The following SMC6 variants were observed in gnomAD, a reference collection of about 807,000 sequenced individuals.
SMC6 encodes structural maintenance of chromosomes protein 6.
SMC6 carries 79 observed loss-of-function variants against 142.2 expected under a neutral mutation model. The observed-to-expected ratio is 0.56, with a 90% CI of 0.46 to 0.67. The LOEUF (loss-of-function observed/expected upper bound fraction) is 0.67, where lower values mean the gene tolerates loss of function less well. Ranked by LOEUF, SMC6 falls within the 30% of genes least tolerant of loss-of-function variation. SMC6 has a pLI of 0.00. For missense variants in SMC6, 1,072 were observed against 1,284.0 expected (o/e 0.83, Z 2.52); for synonymous variants, 411 against 412.4 (o/e 1.00, Z 0.04).
rs377589538 is a variant in SMC6 at position 17,721,034 on chromosome 2, T to C, written c.851A>G (p.Asn284Ser). ...LKHEMAWAVVNEIEKQLNAIR... is the reference protein window; with the variant it reads ...LKHEMAWAVVSEIEKQLNAIR... ...GGCATTCAATTGTTTTTCAATTTCA[T>C]TGACCTAAGAAAGAAATTATATAGC... The change falls in exon 11 of 28, where the codon AAT becomes AGT. Residue 284 changes from asparagine to serine, a missense_variant. Coordinates refer to ENST00000448223, the MANE Select transcript of SMC6 (RefSeq NM_001142286.2). 11 of 1,613,532 alleles carry C rather than the reference T, an allele frequency of 6.8e-6. No homozygotes were observed. The highest frequency in any genetic ancestry group is 5.3e-5 in the African/African-American group (4 of 74,922).
At chr2:17,716,944 A>C in intron 13 of SMC6, 39 bp from the exon 14 acceptor site, 1 of 1,572,988 alleles carries the variant, frequency 6.4e-7, no homozygotes, top group Non-Finnish European at 8.6e-7. Context: ...TGTTAGTTCA[A>C]TGAACAGCCT....
At chr2:17,685,673 G>A (rs1009281166) in intron 23 of SMC6, among the ~76,000 whole-genome samples, 4 of 151,978 alleles carry the variant, frequency 2.6e-5, no homozygotes, top group Non-Finnish European at 1.5e-5. Flanking sequence ...ATTAGAACAT[G>A]TGGAAAAAGG....
intron 2 of SMC6, among the ~76,000 whole-genome samples, chr2:17,747,455 A>G (rs912664388): frequency 2.0e-5 from 3 of 152,012 alleles, no homozygotes; most frequent in African/African-American, 7.2e-5. Flanking sequence ...TATGTCTATC[A>G]ATATTTATTA....
chr2:17,696,528 T>G, intron 21 of SMC6, 102 bp from the exon 22 acceptor site: 2 of 1,205,422 alleles, frequency 1.7e-6, no homozygotes, highest in Non-Finnish European at 2.4e-6. Context: ...TTATGCTGTT[T>G]GAAGAGGCAA....
chr2:17,683,478 C>T (rs1252391772), intron 24 of SMC6, among the ~76,000 whole-genome samples, 160 bp downstream of exon 24: 1 of 151,972 alleles, frequency 6.6e-6, no homozygotes, highest in African/African-American at 2.4e-5. Flanking sequence ...CATAAAGAGC[C>T]CTTCAGATTC....
In SMC6 at chr2:17,707,223, T is replaced by C; in HGVS notation, c.2002A>G (p.Ile668Val). 6.3e-7 allele frequency: 1 copy of C among 1,577,482 alleles called. No individual in the cohort carries two copies. Among genetic ancestry groups the C allele is most frequent in the Non-Finnish European group, 8.6e-7 (1 of 1,164,852 alleles). Residue 668 changes from isoleucine (I) to valine (V), a missense_variant, in exon 18 of 28, where the codon ATA becomes GTA. Around this residue, in one of 3 missense-constraint regions of SMC6, gnomAD observed 994 missense variants for 1,153.2 expected, o/e 0.86. Coordinates refer to ENST00000448223, the MANE Select transcript of SMC6 (RefSeq NM_001142286.2). Reference sequence around the variant, plus strand: ...AAAGCTAAACTTGACTCTAACCTTATTTCAGAATCCACATCTCTGCTTAGG... The same window carrying C: ...AAAGCTAAACTTGACTCTAACCTTACTTCAGAATCCACATCTCTGCTTAGG... ...KFLSRDVDSE[I>V]SDLENEVENK...
At chr2:17,670,963 G>T (rs552487640) in intron 25 of SMC6, among the ~76,000 whole-genome samples, 1 of 151,962 alleles carries the variant, frequency 6.6e-6, no homozygotes, top group East Asian at 1.9e-4. Flanking sequence ...CCAGGCTCAA[G>T]CAATCCTCCC....
chr2:17,736,871 CA>C (rs56944743), intron 5 of SMC6, among the ~76,000 whole-genome samples: 51,315 of 150,494 alleles, frequency 0.34, 9,301 homozygotes, highest in Non-Finnish European at 0.38. Flanking sequence ...GACTCTGTCT[CA>C]AAAAAAAGAA....
At chr2:17,687,457 G>A (rs1667509128) in intron 23 of SMC6, among the ~76,000 whole-genome samples, 1 of 152,168 alleles carries the variant, frequency 6.6e-6, no homozygotes, top group Non-Finnish European at 1.5e-5. Flanking sequence ...TCAATGAACT[G>A]ATATGGAGTG....
chr2:17,689,841 A>T lies in SMC6; in HGVS notation c.2678+5311T>A, dbSNP rs908225200. On this transcript the variant is annotated intron_variant, in intron 23 of 27. Coordinates refer to ENST00000448223, the MANE Select transcript of SMC6 (RefSeq NM_001142286.2). ...TGTTACACTGTATTCTGTATTTTTT[A>T]AAAAATTTGTATTAGTTTTTACTAT... Among the ~76,000 whole-genome samples, 61 of 152,298 alleles carry T rather than the reference A, an allele frequency of 4.0e-4. 1 individual carries two copies. Among genetic ancestry groups the T allele is most frequent in the Non-Finnish European group, 6.5e-4 (44 of 68,016 alleles).
At position 17,720,834 on chromosome 2, in the gene SMC6, C is replaced by T. The variant is rs1669330437; in HGVS notation, c.945+106G>A. The T allele has an allele frequency of 4.2e-6, 4 of 955,976 alleles. No homozygotes were observed. The Admixed American group carries it at 9.8e-5, about 23-fold the overall frequency. 59.2% of individuals were successfully genotyped at this position (955,976 alleles called of 1,614,324 possible). A position where few individuals can be genotyped will look rare whatever the true frequency, so the allele number is the denominator to read the frequency against. The stretch of plus-strand genomic sequence containing the variant: ...CCTAAGCAATCAATTCAAATATAGA[C>T]AAATATACTGTCTGAAACTGATGGT... On this transcript the variant is annotated intron_variant, in intron 11 of 27. Coordinates refer to ENST00000448223, the MANE Select transcript of SMC6 (RefSeq NM_001142286.2).
chr2:17,745,266 T>A lies in SMC6; in HGVS notation c.120+561A>T, dbSNP rs569648868. On this transcript the variant is annotated intron_variant, in intron 3 of 27. Transcript: ENST00000448223. ...TGATTTTTGGAAAAGACTGTGTAGA[T>A]TCATGTTAATTCTTCTTTAAATGTT... is the stretch of plus-strand genomic sequence containing the variant. Among the ~76,000 whole-genome samples the A allele has an allele frequency of 5.3e-5, 8 of 151,544 alleles. No individual in the cohort carries two copies. The East Asian group carries it at 1.4e-3, about 26-fold the overall frequency.
Position 17,683,744 on chromosome 2 carries a change from C to G in SMC6, c.2698G>C (p.Glu900Gln). ...TTACTATCCAGATCAAGATAGGTCT[C>G]TCTTGCTTCTTGGTACTGCCTATTA... The part of the protein sequence containing the change: ...EIMRQYQEAR[E>Q]TYLDLDSKVR... The change falls in exon 24 of 28, where the codon GAG becomes CAG. Residue 900 changes from glutamate (E) to glutamine (Q), a missense_variant. Glu to Gln is a conservative substitution (Grantham distance 29). Coordinates refer to ENST00000448223, the MANE Select transcript of SMC6 (RefSeq NM_001142286.2). 6.2e-7 allele frequency: 1 copy of G among 1,610,230 alleles called. No homozygotes were observed. Among genetic ancestry groups the G allele is most frequent in the Non-Finnish European group, 8.5e-7 (1 of 1,177,872 alleles).
intron 8 of SMC6, among the ~76,000 whole-genome samples, chr2:17,726,065 AAGACAG>A (rs1669600837): frequency 7.2e-6 from 1 of 138,356 alleles, no homozygotes; most frequent in South Asian, 2.3e-4. Context: ...TCTATCCTGG[AAGACAG>A]AGCAAGGCTC....
chr2:17,676,818 G>C (rs921924368), intron 25 of SMC6, among the ~76,000 whole-genome samples: 4 of 152,020 alleles, frequency 2.6e-5, no homozygotes, highest in Admixed American at 2.6e-4. Flanking sequence ...AATATAAATA[G>C]TATTTTTTAA....
chr2:17,716,131 C>T lies in SMC6; in HGVS notation c.1480G>A (p.Ala494Thr). 1 of 1,607,552 alleles carries T rather than the reference C, an allele frequency of 6.2e-7. No individual in the cohort carries two copies. Among genetic ancestry groups the T allele is most frequent in the Non-Finnish European group, 8.5e-7 (1 of 1,178,356 alleles). ...VPALLEAIDD[A>T]YRQGHFTYKP... is the part of the protein sequence containing the mutation. Reference sequence around the variant, plus strand: ...TAGGTAAAATGTCCTTGTCTATAAGCATCATCTATGGCTTCAAGAAGAGCT... The same window carrying T: ...TAGGTAAAATGTCCTTGTCTATAAGTATCATCTATGGCTTCAAGAAGAGCT... The change falls in exon 15 of 28, where the codon GCT becomes ACT. Residue 494 changes from alanine to threonine, a missense_variant. Transcript: ENST00000448223.
Position 17,745,829 on chromosome 2 carries a change from A to T in SMC6, c.118T>A (p.Leu40Met), listed in dbSNP as rs1234003672. The change falls in exon 3 of 28, where the codon TTG becomes ATG. Residue 40 changes from leucine (L) to methionine (M), a missense_variant and splice_region_variant. This residue lies in a region of SMC6 where 994 missense variants were observed against 1,153.2 expected (regional missense o/e 0.86). Coordinates refer to ENST00000448223, the MANE Select transcript of SMC6 (RefSeq NM_001142286.2). ...TAATTTTGTAATTTTTCGCTTACCA[A>T]AGTAGTACCTTTACATTCGTCTTCG... ...GDEDECKGTT[L>M]TAAEVGIIES... 1 of 1,607,070 alleles carries T rather than the reference A, an allele frequency of 6.2e-7. No homozygotes were observed. The highest frequency in any genetic ancestry group is 8.5e-7 in the Non-Finnish European group (1 of 1,177,604).
chr2:17,694,543 C>A (rs1667900452), intron 23 of SMC6, among the ~76,000 whole-genome samples: 1 of 152,134 alleles, frequency 6.6e-6, no homozygotes, highest in South Asian at 2.1e-4. Flanking sequence ...TTAATGGTAA[C>A]AACTAATATA....
intron 24 of SMC6, chr2:17,680,581 G>A (rs555697368): frequency 2.0e-5 from 3 of 152,294 alleles, no homozygotes; most frequent in South Asian, 2.1e-4. Flanking sequence ...TATGGGTTAC[G>A]AATAGATGTT....
Sources: allele counts gnomAD v4.1 joint callset (sites outside exome capture counted in the v4.1 genomes callset), GRCh38; gene constraint gnomAD v4.1.1; regional missense constraint gnomAD v4.1.1; transcripts MANE v1.5; gene names NCBI Gene and HGNC (gene_info 2026-07-23, HGNC 2026-07-21).